Variants in SEL1L2 observed in about 807,000 individuals in gnomAD.
SEL1L2 encodes protein sel-1 homolog 2.
A neutral mutation model predicts 98.8 loss-of-function variants in SEL1L2; 89 were observed. The observed-to-expected ratio is 0.90, with a 90% confidence interval of 0.76 to 1.07. The LOEUF (loss-of-function observed/expected upper bound fraction) is 1.07, where lower values mean the gene tolerates loss of function less well. Ranked by LOEUF, SEL1L2 falls within the 50% of genes least tolerant of loss-of-function variation. The pLI is 0.00. For synonymous variants in SEL1L2, 262 were observed against 278.5 expected, an observed-to-expected ratio of 0.94 and a Z score of 0.59; for missense variants, 788 against 812.0, an observed-to-expected ratio of 0.97 and a Z score of 0.36.
chr20:13,902,555 A>G (rs1194959865), intron 5 of SEL1L2, among the ~76,000 whole-genome samples: 1 of 151,966 alleles, frequency 6.6e-6, no homozygotes, highest in African/African-American at 2.4e-5. Context: ...GTGGGAGCCT[A>G]TTTGAGTTGG....
chr20:13,863,458 G>C (rs1990493415), intron 17 of SEL1L2, among the ~76,000 whole-genome samples: 1 of 152,188 alleles, frequency 6.6e-6, no homozygotes, highest in African/African-American at 2.4e-5. Context: ...TCACAGGGCA[G>C]TGACTGAGTC....
At chr20:13,932,587 G>A (rs2049201164) in intron 2 of SEL1L2, among the ~76,000 whole-genome samples, 1 of 151,770 alleles carries the variant, frequency 6.6e-6, no homozygotes, top group Non-Finnish European at 1.5e-5. Context: ...GCATGCCACC[G>A]TGCCTAGCTA....
chr20:13,893,764 A>G (rs2047307634), intron 5 of SEL1L2, among the ~76,000 whole-genome samples: 1 of 152,252 alleles, frequency 6.6e-6, no homozygotes, highest in Admixed American at 6.5e-5. Context: ...TCTCCAAGAT[A>G]GATCATATTT....
At position 13,862,869 on chromosome 20, in the gene SEL1L2, TA is replaced by T. The variant is rs542065363; in HGVS notation, c.1645+2297del. Among the ~76,000 whole-genome samples the T allele has an allele frequency of 1.1e-4, 16 of 152,008 alleles. No individual in the cohort carries two copies. The East Asian group carries it at 2.7e-3, about 26-fold the overall frequency. ...CACCCAACTAATTTTTTTTATCTTT[TA>T]TTTTTTTGTAGAGATGAGGTCTCAC... is the stretch of plus-strand genomic sequence containing the variant. On this transcript the variant is annotated intron_variant, in intron 17 of 19. Transcript: ENST00000284951.
chr20:13,907,442 G>T (rs1410328359), intron 5 of SEL1L2, among the ~76,000 whole-genome samples: 6 of 152,084 alleles, frequency 3.9e-5, no homozygotes, highest in African/African-American at 1.4e-4. Flanking sequence ...GGTGGCCTAT[G>T]CTTGCAGTCC....
chr20:13,927,918 T>G (rs73261492), intron 3 of SEL1L2: 1 of 152,232 alleles, frequency 6.6e-6, no homozygotes, highest in African/African-American at 2.4e-5. Flanking sequence ...CTGTGTCGCA[T>G]GGACCCACAG....
At chr20:13,937,849 G>A (rs1183856574) in intron 2 of SEL1L2, among the ~76,000 whole-genome samples, 1 of 152,088 alleles carries the variant, frequency 6.6e-6, no homozygotes, top group African/African-American at 2.4e-5. Context: ...AGGAAGGAAC[G>A]TGTTTCACAG....
intron 18 of SEL1L2, among the ~76,000 whole-genome samples, chr20:13,851,642 C>T (rs544484610): frequency 3.3e-5 from 5 of 151,982 alleles, no homozygotes; most frequent in East Asian, 1.9e-4. Flanking sequence ...ACAGAGTGAC[C>T]GTAGACAAGG....
intron 5 of SEL1L2, among the ~76,000 whole-genome samples, chr20:13,907,700 C>CTCTTTCTTTCTTTCTTTCTTTCTTTCTT (rs10665105): frequency 8.0e-6 from 1 of 125,556 alleles, no homozygotes; most frequent in African/African-American, 3.1e-5. Context: ...TTCTTTCTTT[C>CTCTTTCTTTCTTTCTTTCTTTCTTTCTT]TCTTTCTTTC....
At chr20:13,904,651 G>A (rs1288125582) in intron 5 of SEL1L2, among the ~76,000 whole-genome samples, 1 of 152,116 alleles carries the variant, frequency 6.6e-6, no homozygotes, top group African/African-American at 2.4e-5. Flanking sequence ...GCCAATGGAA[G>A]GCATCTGGGA....
chr20:13,890,076 A>G (rs1339490667), intron 5 of SEL1L2, among the ~76,000 whole-genome samples: 1 of 152,172 alleles, frequency 6.6e-6, no homozygotes, highest in Non-Finnish European at 1.5e-5. Context: ...ATAGTCCGTG[A>G]AACAGGTAAG....
rs1191886432 is a variant in SEL1L2, at chr20:13,887,780, ACTTT to A, written c.730_733del (p.Lys244TrpfsTer20). The A allele has an allele frequency of 1.9e-6, 3 of 1,606,240 alleles. No individual in the cohort carries two copies. The highest frequency in any genetic ancestry group is 2.6e-6 in the Non-Finnish European group (3 of 1,173,278). The stretch of plus-strand genomic sequence containing the variant: ...TGTGGATTACTTACTATAATCTGCC[ACTTT>A]CTTGTAATAACTTAGGGCAACTTCA... On this transcript the variant is annotated frameshift_variant, in exon 8 of 20. Transcript: ENST00000284951. LOFTEE classifies it high-confidence loss of function.
At chr20:13,854,663 A>G (rs2147723443) in intron 18 of SEL1L2, among the ~76,000 whole-genome samples, 1 of 152,304 alleles carries the variant, frequency 6.6e-6, no homozygotes, top group East Asian at 1.9e-4. Context: ...GCTTCCTGAT[A>G]TAGGAAATAG....
At chr20:13,903,973 A>T (rs529129304) in intron 5 of SEL1L2, among the ~76,000 whole-genome samples, 1 of 152,380 alleles carries the variant, frequency 6.6e-6, no homozygotes, top group East Asian at 1.9e-4. Context: ...GTTCATGAGA[A>T]CATCATGTGA....
At chr20:13,974,473 C>CTATTTTT (rs1252330288) in intron 1 of SEL1L2, among the ~76,000 whole-genome samples, 5 of 85,278 alleles carry the variant, frequency 5.9e-5, no homozygotes, top group African/African-American at 2.0e-4. Context: ...CTCTCTCTCT[C>CTATTTTT]TCTTTTTTTT....
At chr20:13,946,332 CTA>C (rs1285873638) in intron 2 of SEL1L2, among the ~76,000 whole-genome samples, 2 of 151,942 alleles carry the variant, frequency 1.3e-5, no homozygotes, top group African/African-American at 4.8e-5. Context: ...AGTTGTATTT[CTA>C]TATACTACAA....
At chr20:13,958,040 T>TA (rs1297286144) in intron 1 of SEL1L2, among the ~76,000 whole-genome samples, 1 of 152,184 alleles carries the variant, frequency 6.6e-6, no homozygotes, top group African/African-American at 2.4e-5. Flanking sequence ...AATAAAGCTT[T>TA]ATCCCAAGTT....
chr20:13,959,842 A>C (rs2050701397), intron 1 of SEL1L2, among the ~76,000 whole-genome samples: 2 of 152,228 alleles, frequency 1.3e-5, no homozygotes, highest in Non-Finnish European at 2.9e-5. Flanking sequence ...ATTATTTTAA[A>C]TTCACAGCCC....
chr20:13,896,340 G>C (rs956475732), intron 5 of SEL1L2, among the ~76,000 whole-genome samples: 20 of 152,002 alleles, frequency 1.3e-4, no homozygotes, highest in African/African-American at 4.8e-4. Flanking sequence ...CACGGTGGGG[G>C]GCGCCTGTAG....
Sources: gnomAD v4.1 joint callset for allele counts (sites outside exome capture counted in the v4.1 genomes callset) on GRCh38, gnomAD v4.1.1 for gene constraint, MANE v1.5 for transcripts, NCBI Gene and HGNC (gene_info 2026-07-23, HGNC 2026-07-21) for gene names.